Variants in GRIK3 observed in about 807,000 individuals in gnomAD.
The protein encoded by GRIK3 is glutamate ionotropic receptor kainate type subunit 3.
Under a neutral mutation model 102.5 loss-of-function variants are expected in GRIK3, and 29 were observed. The observed-to-expected ratio is 0.28, with a 90% CI of 0.21 to 0.39. GRIK3 has a LOEUF of 0.39. Among genes scored for constraint, GRIK3 ranks in the 10% least tolerant of loss-of-function variants. The probability of loss-of-function intolerance (pLI) is 1.00; values close to 1 mark genes in which losing one functional copy is unlikely to be tolerated. For missense variants in GRIK3, 908 were observed against 1,252.4 expected (o/e 0.73, Z 4.15); for synonymous variants, 511 against 504.9 (o/e 1.01, Z -0.16).
chr1:37,027,123 T>C (rs1181035371), intron 1 of GRIK3, among the ~76,000 whole-genome samples: 1 of 151,748 alleles, frequency 6.6e-6, no homozygotes. Context: ...AAACAAGGCA[T>C]AAAGGTCAAA....
chr1:36,835,251 G>A (rs1001748146), intron 10 of GRIK3, among the ~76,000 whole-genome samples: 1 of 152,210 alleles, frequency 6.6e-6, no homozygotes, highest in Non-Finnish European at 1.5e-5. Context: ...CTCAATGCCT[G>A]CCCAACTGGC....
chr1:36,860,615 T>A (rs934620109), intron 5 of GRIK3, among the ~76,000 whole-genome samples: 4 of 151,938 alleles, frequency 2.6e-5, no homozygotes, highest in Non-Finnish European at 5.9e-5. Flanking sequence ...CTGCCAAGGG[T>A]CCAGGAGAAC....
At chr1:36,807,305 G>A (rs1642512538) in intron 13 of GRIK3, among the ~76,000 whole-genome samples, 1 of 152,126 alleles carries the variant, frequency 6.6e-6, no homozygotes, top group South Asian at 2.1e-4. Context: ...GCAGACCAGG[G>A]TGCACGGCAT....
chr1:36,889,426 A>C (rs1425322887), intron 2 of GRIK3, among the ~76,000 whole-genome samples: 2 of 152,090 alleles, frequency 1.3e-5, no homozygotes, highest in Admixed American at 1.3e-4. Context: ...CTGGAAGGCC[A>C]AGCTGGGGCT....
chr1:36,864,894 T>C (rs1348005006), intron 5 of GRIK3, among the ~76,000 whole-genome samples: 2 of 152,104 alleles, frequency 1.3e-5, no homozygotes, highest in African/African-American at 2.4e-5. Context: ...CCAAGTGCTG[T>C]ACACTGTGAA....
intron 1 of GRIK3, among the ~76,000 whole-genome samples, chr1:36,934,617 A>G (rs191946679): frequency 7.1e-4 from 108 of 152,264 alleles, no homozygotes; most frequent in Non-Finnish European, 1.4e-3. Context: ...TCTTATTACA[A>G]ATAGTAATTA....
At position 36,850,225 on chromosome 1, in the gene GRIK3, G is replaced by A; in HGVS notation, c.1326+86C>T. 1 of 802,100 alleles carries A rather than the reference G, an allele frequency of 1.2e-6. No individual in the cohort carries two copies. The allele number at this position is 802,100 out of a possible 1,614,324, so 49.7% of individuals were successfully genotyped here. A position where few individuals can be genotyped will look rare whatever the true frequency, so the allele number is the denominator to read the frequency against. On this transcript the variant is annotated intron_variant, in intron 9 of 15. Transcript: ENST00000373091. The surrounding 1 kb of genome is among the most constrained non-coding windows in gnomAD (Gnocchi z 4.0). ...ACCTGCAGCCTCCATCTTCTGGGTG[G>A]GGGGGATAGAGGGGACTCTCCAGCC... is the stretch of plus-strand genomic sequence containing the variant.
intron 11 of GRIK3, among the ~76,000 whole-genome samples, chr1:36,821,274 C>T (rs1221819427): frequency 6.6e-6 from 1 of 152,158 alleles, no homozygotes; most frequent in Non-Finnish European, 1.5e-5. Context: ...GAAATGACCA[C>T]AAACTGGTTA....
In GRIK3 at chr1:36,798,360, G is replaced by C. The variant is rs2124169098; in HGVS notation, c.*3491C>G. Reference sequence around the variant, plus strand: ...GGGCTGGCATGTGGCACCACGCAGGGACAGTCCAGCATCTGCTCAGGCAGG... The same window carrying C: ...GGGCTGGCATGTGGCACCACGCAGGCACAGTCCAGCATCTGCTCAGGCAGG... On this transcript the variant is annotated 3_prime_UTR_variant, in exon 16 of 16. Transcript: ENST00000373091. 1 of 152,442 alleles carries C rather than the reference G, an allele frequency of 6.6e-6. No individual in the cohort carries two copies. The highest frequency in any genetic ancestry group is 1.5e-5 in the Non-Finnish European group (1 of 68,118). 9.4% of individuals were successfully genotyped at this position (152,442 alleles called of 1,614,324 possible). A position where few individuals can be genotyped will look rare whatever the true frequency, so the allele number is the denominator to read the frequency against.
intron 1 of GRIK3, among the ~76,000 whole-genome samples, chr1:36,927,262 T>C (rs1641537178): frequency 6.6e-6 from 1 of 152,198 alleles, no homozygotes; most frequent in Non-Finnish European, 1.5e-5. Flanking sequence ...GTTTCATTTT[T>C]GATGCAACCT....
intron 1 of GRIK3, among the ~76,000 whole-genome samples, chr1:36,943,402 C>T (rs577713800): frequency 2.6e-5 from 4 of 152,318 alleles, no homozygotes; most frequent in South Asian, 4.1e-4. Context: ...ATATTACCAG[C>T]CAGGTGACTA....
In GRIK3 at chr1:36,983,450, C is replaced by T. The variant is rs549910046; in HGVS notation, c.115+50544G>A. ...TAGGAGGGGTGATAACTCCAGGGAA[C>T]ACTCATAAGAGCTTCCTGTGTGCCA... On this transcript the variant is annotated intron_variant, in intron 1 of 15. Coordinates refer to ENST00000373091, the MANE Select transcript of GRIK3 (RefSeq NM_000831.4). Among the ~76,000 whole-genome samples the T allele has an allele frequency of 2.6e-5, 4 of 152,240 alleles. No individual in the cohort carries two copies. The South Asian group carries it at 8.3e-4, about 32-fold the overall frequency.
chr1:36,975,772 G>A (rs531793913), intron 1 of GRIK3, among the ~76,000 whole-genome samples: 15 of 152,260 alleles, frequency 9.9e-5, no homozygotes, highest in Non-Finnish European at 2.1e-4. Context: ...CTTTGGTGCC[G>A]CTCATTACAG....
At chr1:36,878,699 G>A (rs1640934774) in intron 3 of GRIK3, among the ~76,000 whole-genome samples, 1 of 152,186 alleles carries the variant, frequency 6.6e-6, no homozygotes, top group Non-Finnish European at 1.5e-5. Flanking sequence ...TAGCAGCACA[G>A]ACTTTAGGCT....
chr1:36,832,047 C>G (rs1392780258), intron 10 of GRIK3, among the ~76,000 whole-genome samples: 1 of 142,018 alleles, frequency 7.0e-6, no homozygotes, highest in Non-Finnish European at 1.5e-5. Flanking sequence ...TCCACAGACA[C>G]AAGCCTCAGA....
intron 1 of GRIK3, among the ~76,000 whole-genome samples, chr1:37,025,971 C>T (rs1340454864): frequency 1.3e-5 from 2 of 152,178 alleles, no homozygotes; most frequent in African/African-American, 4.8e-5. Flanking sequence ...TCCTCCCTGC[C>T]TTTTGCCTCT....
chr1:36,857,776 C>A (rs1640669631), intron 7 of GRIK3, among the ~76,000 whole-genome samples: 1 of 152,216 alleles, frequency 6.6e-6, no homozygotes, highest in Admixed American at 6.5e-5. Context: ...CCTCCCTCAA[C>A]CCCCATCCAA....
At chr1:36,957,788 CGTG>C (rs1641939139) in intron 1 of GRIK3, among the ~76,000 whole-genome samples, 1 of 143,178 alleles carries the variant, frequency 7.0e-6, no homozygotes. Flanking sequence ...GTCTGTGCCC[CGTG>C]ACTCTGTGCC....
At chr1:36,879,716 C>T (rs1425817291) in intron 3 of GRIK3, among the ~76,000 whole-genome samples, 1 of 152,138 alleles carries the variant, frequency 6.6e-6, no homozygotes, top group Non-Finnish European at 1.5e-5. Flanking sequence ...CAGGTGGGTC[C>T]TACCCAGAAA....
Sources: allele counts gnomAD v4.1 joint callset (sites outside exome capture counted in the v4.1 genomes callset), GRCh38; gene constraint gnomAD v4.1.1; non-coding constraint Gnocchi (gnomAD v3.1); transcripts MANE v1.5; gene names NCBI Gene and HGNC (gene_info 2026-07-23, HGNC 2026-07-21).